The following ZFAND3 variants were observed in gnomAD, a reference collection of about 807,000 sequenced individuals.
ZFAND3 encodes AN1-type zinc finger protein 3.
A neutral mutation model predicts 29.6 loss-of-function variants in ZFAND3; 10 were observed. That is an observed-to-expected ratio of 0.34 (90% CI 0.21 to 0.57). ZFAND3 has a LOEUF of 0.57. Ranked by LOEUF, ZFAND3 falls within the 20% of genes least tolerant of loss-of-function variation. The pLI, the probability that ZFAND3 is intolerant of heterozygous loss-of-function variation, is 0.86. For synonymous variants in ZFAND3, 128 were observed against 112.6 expected, an observed-to-expected ratio of 1.14 and a Z score of -0.87; for missense variants, 230 against 304.5, an observed-to-expected ratio of 0.76 and a Z score of 1.82.
At chr6:38,043,694 C>T (rs1267720322) in intron 2 of ZFAND3, among the ~76,000 whole-genome samples, 2 of 152,154 alleles carry the variant, frequency 1.3e-5, no homozygotes, top group African/African-American at 4.8e-5. Flanking sequence ...TCACCACTGC[C>T]TTGATCTCCA....
chr6:37,828,528 T>C (rs1763799059), intron 1 of ZFAND3, among the ~76,000 whole-genome samples: 2 of 152,228 alleles, frequency 1.3e-5, no homozygotes, highest in Non-Finnish European at 2.9e-5. Flanking sequence ...GAGTATTAAC[T>C]AGCAATAAAT....
At chr6:38,086,358 C>G (rs1764757133) in intron 4 of ZFAND3, among the ~76,000 whole-genome samples, 1 of 152,038 alleles carries the variant, frequency 6.6e-6, no homozygotes, top group East Asian at 1.9e-4. Flanking sequence ...TCCACCCCAC[C>G]CCTACCATCT....
rs1016809815 is a variant in ZFAND3, at chr6:38,100,878, A to G, written c.362-15694A>G. Among the ~76,000 whole-genome samples the G allele has an allele frequency of 8.5e-5, 13 of 152,290 alleles. 1 individual carries two copies. The highest frequency in any genetic ancestry group is 3.3e-4 in the Admixed American group (5 of 15,298). ...GCCCTCTTTGTGTCTGTCTGTATAC[A>G]TGTATGCATGTGTATTATATCCATA... On this transcript the variant is annotated intron_variant, in intron 4 of 5. Coordinates refer to ENST00000287218, the MANE Select transcript of ZFAND3 (RefSeq NM_021943.3).
intron 1 of ZFAND3, among the ~76,000 whole-genome samples, chr6:37,894,995 T>A (rs1453284315): frequency 6.6e-6 from 1 of 152,160 alleles, no homozygotes. Flanking sequence ...GTTTTCTTTG[T>A]ATTTTTTGTG....
intron 2 of ZFAND3, among the ~76,000 whole-genome samples, chr6:38,044,645 T>C (rs2127457463): frequency 6.6e-6 from 1 of 152,346 alleles, no homozygotes; most frequent in African/African-American, 2.4e-5. Flanking sequence ...AAAAGAGGAA[T>C]TGGGAATGTG....
chr6:38,147,305 G>A (rs1459023343), intron 5 of ZFAND3, among the ~76,000 whole-genome samples: 1 of 152,154 alleles, frequency 6.6e-6, no homozygotes, highest in African/African-American at 2.4e-5. Flanking sequence ...CATCCATGTT[G>A]CTGCAACTGA....
At position 38,144,935 on chromosome 6, in the gene ZFAND3, CAG is replaced by C. The variant is rs542729155; in HGVS notation, c.530-7299_530-7298del. On this transcript the variant is annotated intron_variant, in intron 5 of 5. Coordinates refer to ENST00000287218, the MANE Select transcript of ZFAND3 (RefSeq NM_021943.3). ...TCTGGCACCGATTGAATCAAAATGT[CAG>C]GGGCTCAACTTTTGTGACTTTCAGC... is the stretch of plus-strand genomic sequence containing the variant. Among the ~76,000 whole-genome samples, 125 of 152,330 alleles carry C rather than the reference CAG, an allele frequency of 8.2e-4. 1 individual carries two copies. Among genetic ancestry groups the C allele is most frequent in the African/African-American group, 3.0e-3 (124 of 41,570 alleles).
At chr6:37,902,119 G>T (rs924715479) in intron 1 of ZFAND3, among the ~76,000 whole-genome samples, 1 of 152,028 alleles carries the variant, frequency 6.6e-6, no homozygotes, top group African/African-American at 2.4e-5. Flanking sequence ...GGTTAATTTG[G>T]AATCTGAATA....
chr6:37,918,951 C>CTTGTTTTTTTTTTTTTTTTTTTTTTT (rs1761318785), intron 1 of ZFAND3, among the ~76,000 whole-genome samples: 1 of 104,738 alleles, frequency 9.5e-6, no homozygotes, highest in African/African-American at 4.1e-5. Context: ...TGAAAAATGC[C>CTTGTTTTTTTTTTTTTTTTTTTTTTT]TTTTTTTTTT....
intron 2 of ZFAND3, among the ~76,000 whole-genome samples, chr6:38,004,441 C>G (rs1763007373): frequency 1.3e-5 from 2 of 148,164 alleles, no homozygotes; most frequent in African/African-American, 2.5e-5. Flanking sequence ...CCTCTCCCTT[C>G]CCCTCTCCCC....
intron 1 of ZFAND3, among the ~76,000 whole-genome samples, chr6:37,921,758 A>G (rs1467576686): frequency 2.0e-5 from 3 of 152,072 alleles, no homozygotes; most frequent in African/African-American, 7.2e-5. Flanking sequence ...AAAGTACAAC[A>G]GTGTTGGCCA....
At chr6:38,125,760 C>A (rs1480000829) in intron 5 of ZFAND3, among the ~76,000 whole-genome samples, 2 of 151,934 alleles carry the variant, frequency 1.3e-5, no homozygotes, top group Admixed American at 1.3e-4. Context: ...TTATTAGTGT[C>A]TTTTATTTTA....
intron 1 of ZFAND3, among the ~76,000 whole-genome samples, chr6:37,828,238 T>C (rs1274700984): frequency 6.6e-6 from 1 of 152,392 alleles, no homozygotes; most frequent in East Asian, 1.9e-4. Context: ...TTTATTCATT[T>C]ATTTTTTACA....
intron 3 of ZFAND3, among the ~76,000 whole-genome samples, chr6:38,068,733 A>G (rs12663950): frequency 6.6e-6 from 1 of 152,198 alleles, no homozygotes; most frequent in Admixed American, 6.5e-5. Flanking sequence ...ATATACAGAA[A>G]AAGTGAGAAC....
chr6:38,052,949 G>T (rs566292559), intron 2 of ZFAND3, among the ~76,000 whole-genome samples: 1 of 151,694 alleles, frequency 6.6e-6, no homozygotes, highest in Non-Finnish European at 1.5e-5. Context: ...CAGGAGAATT[G>T]CTCGAACCCG....
In ZFAND3 at chr6:37,944,644, T is replaced by C. The variant is rs116655306; in HGVS notation, c.112+14645T>C. On this transcript the variant is annotated intron_variant, in intron 2 of 5. Coordinates refer to ENST00000287218, the MANE Select transcript of ZFAND3 (RefSeq NM_021943.3). ...GTTTTGACCTACAGCGTATATCACG[T>C]GGAGAAAGGTGCTTCATATAACTTG... 6.6e-3 allele frequency among the ~76,000 whole-genome samples: 1,001 copies of C among 152,342 alleles called. 12 individuals are homozygous for C. Among genetic ancestry groups the C allele is most frequent in the African/African-American group, 0.023 (952 of 41,580 alleles).
chr6:37,914,691 C>T (rs531149862), intron 1 of ZFAND3, among the ~76,000 whole-genome samples: 6 of 28,514 alleles, frequency 2.1e-4, no homozygotes, highest in Admixed American at 4.7e-4. Flanking sequence ...TTAGTGGAGA[C>T]GGGGTTTCGC....
intron 2 of ZFAND3, among the ~76,000 whole-genome samples, chr6:38,036,004 C>T (rs889070983): frequency 2.0e-5 from 3 of 152,194 alleles, no homozygotes; most frequent in Non-Finnish European, 2.9e-5. Flanking sequence ...TCTCCCAGCT[C>T]CATGTTATGG....
At chr6:38,018,967 A>G (rs1185105041) in intron 2 of ZFAND3, among the ~76,000 whole-genome samples, 2 of 151,994 alleles carry the variant, frequency 1.3e-5, no homozygotes, top group African/African-American at 4.8e-5. Context: ...CCAATCTGAT[A>G]GACTTTTTTT....
Sources: gnomAD v4.1 joint callset for allele counts (sites outside exome capture counted in the v4.1 genomes callset) on GRCh38, gnomAD v4.1.1 for gene constraint, MANE v1.5 for transcripts, NCBI Gene and HGNC (gene_info 2026-07-23, HGNC 2026-07-21) for gene names.